Variants in PRRC2B observed in about 807,000 individuals in gnomAD.
PRRC2B encodes the protein protein PRRC2B.
Under a neutral mutation model 242.3 loss-of-function variants are expected in PRRC2B, and 68 were observed. That is an observed-to-expected ratio of 0.28 (90% CI 0.23 to 0.34). PRRC2B has a LOEUF of 0.34. Ranked by LOEUF, PRRC2B falls within the 10% of genes least tolerant of loss-of-function variation. The pLI is 1.00. For synonymous variants in PRRC2B, 1,228 were observed against 1,173.6 expected (o/e 1.05, Z -0.95); for missense variants, 2,835 against 2,954.8 (o/e 0.96, Z 0.94).
upstream of PRRC2B, among the ~76,000 whole-genome samples, chr9:131,389,915 G>GTTTTTTTTTT (rs1291046977): frequency 2.1e-5 from 2 of 93,472 alleles, no homozygotes; most frequent in Non-Finnish European, 4.3e-5. Flanking sequence ...GAACATGGTT[G>GTTTTTTTTTT]TTTTTTTTTT....
intron 13 of PRRC2B, among the ~76,000 whole-genome samples, chr9:131,469,077 C>T (rs764349322): frequency 1.3e-5 from 2 of 152,164 alleles, no homozygotes; most frequent in Non-Finnish European, 2.9e-5. Flanking sequence ...TGGTGGCTCA[C>T]GCCTGTAATC....
Position 131,473,609 on chromosome 9 carries a change from C to T in PRRC2B, c.2209C>T (p.Pro737Ser). ...VPPLQERKVTPIDSPPVWSPE... is the reference protein window; with the variant it reads ...VPPLQERKVTSIDSPPVWSPE... ...CCCACTCCAAGAAAGAAAAGTGACCCCCATCGACTCACCCCCTGTGTGGAG... is the reference window on the plus strand; with the variant it reads ...CCCACTCCAAGAAAGAAAAGTGACCTCCATCGACTCACCCCCTGTGTGGAG... Residue 737 changes from proline to serine, a missense_variant, in exon 15 of 32, where the codon CCC becomes TCC. Pro to Ser is a moderately conservative substitution (Grantham distance 74). Transcript: ENST00000683519. The T allele has an allele frequency of 6.2e-7, 1 of 1,613,316 alleles. No individual in the cohort carries two copies. The highest frequency in any genetic ancestry group is 8.5e-7 in the Non-Finnish European group (1 of 1,179,648).
intron 4 of PRRC2B, among the ~76,000 whole-genome samples, chr9:131,437,773 C>T (rs1021966738): frequency 5.9e-5 from 9 of 152,232 alleles, no homozygotes; most frequent in African/African-American, 1.9e-4. Context: ...CCTAAATCCA[C>T]TGGGACCCAT....
intron 14 of PRRC2B, 111 bp from the exon 15 acceptor site, chr9:131,473,397 T>A: frequency 1.3e-6 from 1 of 750,356 alleles, no homozygotes. Flanking sequence ...GGGTGCTGTA[T>A]CCACATGAAA....
rs781331021 is a variant in PRRC2B, at chr9:131,477,759, C to G, written c.4422C>G (p.Ala1474=). 115 of 1,606,420 alleles carry G rather than the reference C, an allele frequency of 7.2e-5. No homozygotes were observed. The highest frequency in any genetic ancestry group is 1.3e-4 in the Admixed American group (8 of 59,898). Residue 1474 remains alanine, a synonymous_variant, in exon 17 of 32, where the codon GCC becomes GCG. Transcript: ENST00000683519. The part of the protein sequence containing the change: ...PLKVKRSPDE[A]LPGGLSGCSS... ...TCCCTTACAGATCCCCAGACGAGGC[C>G]TTGCCTGGAGGTCTTAGTGGCTGCA... is the stretch of plus-strand genomic sequence containing the variant.
chr9:131,470,766 G>A, intron 13 of PRRC2B, 22 bp from the exon 14 acceptor site: 2 of 1,577,876 alleles, frequency 1.3e-6, no homozygotes, highest in African/African-American at 2.7e-5. Context: ...GCCTGACCAA[G>A]TCTCTCTCTC....
chr9:131,434,036 G>T (rs981306671), intron 3 of PRRC2B, among the ~76,000 whole-genome samples: 11 of 152,172 alleles, frequency 7.2e-5, no homozygotes, highest in African/African-American at 2.7e-4. Context: ...GGAACCTGGA[G>T]AATTGTTTGA....
intron 31 of PRRC2B, 105 bp from the exon 32 acceptor site, chr9:131,495,635 A>G (rs777574352): frequency 1.5e-6 from 2 of 1,322,428 alleles, no homozygotes; most frequent in Non-Finnish European, 2.1e-6. Context: ...AACTTAGGGG[A>G]GCTTTCCCTG....
intron 9 of PRRC2B, among the ~76,000 whole-genome samples, chr9:131,454,377 A>C (rs1009250693): frequency 6.6e-6 from 1 of 152,358 alleles, no homozygotes; most frequent in South Asian, 2.1e-4. Flanking sequence ...AGGGTAGACA[A>C]CTACTTGGTT....
chr9:131,435,662 G>A (rs1564283314), intron 3 of PRRC2B, among the ~76,000 whole-genome samples: 1 of 151,234 alleles, frequency 6.6e-6, no homozygotes, highest in Non-Finnish European at 1.5e-5. Context: ...TATTGCAGTT[G>A]TATCTGTAAG....
At chr9:131,476,608 A>G in intron 16 of PRRC2B, 73 bp downstream of exon 16, 1 of 1,370,722 alleles carries the variant, frequency 7.3e-7, no homozygotes, top group Non-Finnish European at 9.8e-7. Context: ...TCACGCATGC[A>G]TGCCGATGCC....
intron 26 of PRRC2B, chr9:131,486,649 C>A: frequency 3.3e-6 from 2 of 614,378 alleles, no homozygotes; most frequent in Non-Finnish European, 4.1e-6. Context: ...TGGTGCTGGG[C>A]CTTTGGGATG....
Position 131,481,778 on chromosome 9 carries a change from C to A in PRRC2B, c.4953C>A (p.Ala1651=), listed in dbSNP as rs1279717425. 2.5e-5 allele frequency: 39 copies of A among 1,564,324 alleles called. No homozygotes were observed. In the Middle Eastern group the frequency reaches 5.0e-4, roughly 20 times the overall value. ...ACTCCTGGAGGAAAGCTGTCACTGC[C>A]TTCAGCAGCACCGAGACTGGCTCTG... ...ANDSWRKAVT[A]FSSTETGSAE... Residue 1651 remains alanine (A), a synonymous_variant, in exon 20 of 32, where the codon GCC becomes GCA. Coordinates refer to ENST00000683519, the MANE Select transcript of PRRC2B (RefSeq NM_013318.4).
intron 13 of PRRC2B, among the ~76,000 whole-genome samples, chr9:131,468,996 AG>A (rs1943469524): frequency 6.6e-6 from 1 of 152,172 alleles, no homozygotes; most frequent in Admixed American, 6.5e-5. Flanking sequence ...CAATTGCTCT[AG>A]GTAACTCCTT....
intron 1 of PRRC2B, among the ~76,000 whole-genome samples, chr9:131,421,193 C>G (rs941188907): frequency 6.6e-6 from 1 of 152,228 alleles, no homozygotes; most frequent in Non-Finnish European, 1.5e-5. Flanking sequence ...TCTCCTGCTG[C>G]AGGAGTGCAG....
chr9:131,430,561 ATGTGTGTG>A (rs200517031), intron 2 of PRRC2B, among the ~76,000 whole-genome samples: 1,403 of 118,814 alleles, frequency 0.012, 26 homozygotes, highest in Non-Finnish European at 0.014. Flanking sequence ...GTGTGTGTGT[ATGTGTGTG>A]TGTGTGTGTG....
Position 131,438,496 on chromosome 9 carries a change from C to A in PRRC2B, c.397-493C>A, listed in dbSNP as rs376489132. On this transcript the variant is annotated intron_variant, in intron 4 of 31. Transcript: ENST00000683519. ...GCTGTGCCTTGTAGAGTCACGGTCA[C>A]TACAGAAAGTGCTGCAGCCAGCCCA... Among the ~76,000 whole-genome samples, 13 of 152,290 alleles carry A rather than the reference C, an allele frequency of 8.5e-5. 1 individual carries two copies. In the East Asian group the frequency reaches 1.5e-3, roughly 18 times the overall value.
intron 11 of PRRC2B, among the ~76,000 whole-genome samples, chr9:131,461,191 A>G (rs1477645041): frequency 6.6e-6 from 1 of 152,042 alleles, no homozygotes; most frequent in African/African-American, 2.4e-5. Flanking sequence ...TTCTGCTGCC[A>G]CACTCTCTCC....
chr9:131,444,356 G>A lies in PRRC2B; in HGVS notation c.613+28G>A, dbSNP rs776427517. ...AAGTGACTGCAGCCTCTGGGCACTC[G>A]ATGGAGTAACAGAACTTCCTCCTCT... On this transcript the variant is annotated intron_variant, in intron 6 of 31. Transcript: ENST00000683519. The A allele has an allele frequency of 1.2e-5, 19 of 1,601,704 alleles. No homozygotes were observed. The African/African-American group carries it at 1.5e-4, about 12-fold the overall frequency.
Sources: allele counts gnomAD v4.1 joint callset (sites outside exome capture counted in the v4.1 genomes callset), GRCh38; gene constraint gnomAD v4.1.1; transcripts MANE v1.5; gene names NCBI Gene and HGNC (gene_info 2026-07-23, HGNC 2026-07-21).